EPHB1: variants seen among roughly 807,000 people sequenced by gnomAD.
EPHB1 encodes ephrin type-B receptor 1.
In EPHB1, 30 loss-of-function variants were observed where a neutral mutation model predicts 94.4. The ratio of observed to expected loss-of-function variants is 0.32; its 90% CI spans 0.24 to 0.43. The LOEUF (loss-of-function observed/expected upper bound fraction) is 0.43, where lower values mean the gene tolerates loss of function less well. Among genes scored for constraint, EPHB1 ranks in the 20% least tolerant of loss-of-function variants. The probability of loss-of-function intolerance (pLI) is 1.00; values close to 1 mark genes in which losing one functional copy is unlikely to be tolerated. For synonymous variants in EPHB1, 522 were observed against 489.1 expected (o/e 1.07, Z -0.89); for missense variants, 1,055 against 1,308.3 (o/e 0.81, Z 2.99).
intron 1 of EPHB1, among the ~76,000 whole-genome samples, chr3:134,842,655 C>T (rs917029327): frequency 5.3e-5 from 8 of 152,224 alleles, no homozygotes; most frequent in Non-Finnish European, 8.8e-5. Context: ...CCTTTTCTAT[C>T]ACCAAGTAAA....
intron 5 of EPHB1, among the ~76,000 whole-genome samples, chr3:135,134,160 T>C (rs952147431): frequency 1.3e-5 from 2 of 152,234 alleles, no homozygotes; most frequent in Non-Finnish European, 2.9e-5. Flanking sequence ...TCATAGGCAG[T>C]GGACCGTGAT....
At chr3:135,060,413 T>C (rs1937464296) in intron 3 of EPHB1, among the ~76,000 whole-genome samples, 1 of 152,250 alleles carries the variant, frequency 6.6e-6, no homozygotes, top group Admixed American at 6.5e-5. Context: ...ACATTTTGTT[T>C]ATCCATTCAT....
chr3:135,239,082 C>T (rs574465197), intron 12 of EPHB1, among the ~76,000 whole-genome samples: 1 of 152,264 alleles, frequency 6.6e-6, no homozygotes, highest in East Asian at 1.9e-4. Flanking sequence ...CTAAGCATGC[C>T]CTCCAGGCAT....
At chr3:134,881,923 T>C (rs577503989) in intron 1 of EPHB1, among the ~76,000 whole-genome samples, 4 of 152,330 alleles carry the variant, frequency 2.6e-5, no homozygotes, top group Admixed American at 2.6e-4. Context: ...AAATAAGGGT[T>C]CACAGAGGGT....
chr3:135,100,923 G>A (rs562454308), intron 3 of EPHB1, among the ~76,000 whole-genome samples: 2 of 152,246 alleles, frequency 1.3e-5, no homozygotes, highest in Non-Finnish European at 2.9e-5. Context: ...CTTTTCTGAA[G>A]TTGGGGGTGG....
At chr3:134,949,785 C>A (rs537400961) in intron 2 of EPHB1, among the ~76,000 whole-genome samples, 21 of 152,200 alleles carry the variant, frequency 1.4e-4, no homozygotes, top group African/African-American at 5.1e-4. Flanking sequence ...CTGGAAATAT[C>A]CTCCGTTCTT....
chr3:135,245,792 C>T (rs114813683), intron 13 of EPHB1, among the ~76,000 whole-genome samples: 1,543 of 121,680 alleles, frequency 0.013, 35 homozygotes, highest in African/African-American at 0.048. Flanking sequence ...AGCAAGAGAG[C>T]GAGACACCAT....
intron 12 of EPHB1, among the ~76,000 whole-genome samples, chr3:135,218,608 A>G (rs1311859202): frequency 6.6e-6 from 1 of 152,208 alleles, no homozygotes; most frequent in Admixed American, 6.5e-5. Flanking sequence ...GCCTGTCATC[A>G]TGTGGGAGGG....
chr3:134,845,559 G>A (rs1432487713), intron 1 of EPHB1, among the ~76,000 whole-genome samples: 1 of 152,190 alleles, frequency 6.6e-6, no homozygotes, highest in African/African-American at 2.4e-5. Flanking sequence ...GGGATCTGCT[G>A]TCCATGCCTC....
chr3:135,209,682 C>T (rs1369621737), intron 12 of EPHB1, among the ~76,000 whole-genome samples: 1 of 152,122 alleles, frequency 6.6e-6, no homozygotes, highest in Admixed American at 6.6e-5. Context: ...ATCTCTAGGA[C>T]AATTGTTGGG....
At chr3:135,249,890 G>T (rs1481694862) in intron 15 of EPHB1, among the ~76,000 whole-genome samples, 1 of 152,208 alleles carries the variant, frequency 6.6e-6, no homozygotes, top group Admixed American at 6.5e-5. Context: ...TGGGGAGCTT[G>T]TCCTTATACT....
intron 1 of EPHB1, among the ~76,000 whole-genome samples, chr3:134,911,725 G>A (rs2038459550): frequency 6.6e-6 from 1 of 152,188 alleles, no homozygotes; most frequent in Non-Finnish European, 1.5e-5. Context: ...CTCCTGGAGG[G>A]TAGCTGCATG....
chr3:135,076,260 T>A (rs189192232), intron 3 of EPHB1, among the ~76,000 whole-genome samples: 15 of 104,364 alleles, frequency 1.4e-4, no homozygotes, highest in African/African-American at 5.4e-4. Flanking sequence ...TATATATATA[T>A]AACTCTTAAA....
rs755421182 is a variant in EPHB1 at position 134,951,550 on chromosome 3, T to C, written c.303T>C (p.Asn101=). Reference sequence around the variant, plus strand: ...TGAGAGACTGCAGCAGCCTCCCTAATGTCCCAGGATCCTGCAAGGAGACCT... The same window carrying C: ...TGAGAGACTGCAGCAGCCTCCCTAACGTCCCAGGATCCTGCAAGGAGACCT... ...FTVRDCSSLP[N]VPGSCKETFN... The change falls in exon 3 of 16, where the codon AAT becomes AAC. Residue 101 remains asparagine, a synonymous_variant. Coordinates refer to ENST00000398015, the MANE Select transcript of EPHB1 (RefSeq NM_004441.5). The surrounding 1 kb of genome is among the most constrained non-coding windows in gnomAD (Gnocchi z 4.5). 1.2e-6 allele frequency: 2 copies of C among 1,613,958 alleles called. No homozygotes were observed. The highest frequency in any genetic ancestry group is 2.2e-5 in the East Asian group (1 of 44,876).
chr3:134,984,489 A>G (rs1320021329), intron 3 of EPHB1, among the ~76,000 whole-genome samples: 3 of 152,180 alleles, frequency 2.0e-5, no homozygotes, highest in Non-Finnish European at 2.9e-5. Flanking sequence ...AACAAACAGA[A>G]TATTTAAAAC....
intron 3 of EPHB1, among the ~76,000 whole-genome samples, chr3:134,984,749 C>G (rs1207874960): frequency 6.6e-6 from 1 of 152,110 alleles, no homozygotes; most frequent in African/African-American, 2.4e-5. Context: ...CACAGCAGAT[C>G]CAGGTATGTG....
At chr3:134,918,580 G>A (rs922895899) in intron 1 of EPHB1, among the ~76,000 whole-genome samples, 1 of 152,202 alleles carries the variant, frequency 6.6e-6, no homozygotes, top group Non-Finnish European at 1.5e-5. Context: ...TTGCTTCCTA[G>A]TTTTTGTAGG....
At position 134,795,499 on chromosome 3, in the gene EPHB1, A is replaced by C; in HGVS notation, c.-133A>C. The C allele has an allele frequency of 1.2e-6, 1 of 821,580 alleles. No homozygotes were observed. Among genetic ancestry groups the C allele is most frequent in the Non-Finnish European group, 1.9e-6 (1 of 536,114 alleles). 50.9% of individuals were successfully genotyped at this position (821,580 alleles called of 1,614,324 possible). ...CCCACGCCCACGCAGCGCTCCGGGAAGTCCGGTCCGGGCGAGAGCGCGAAA... is the reference window on the plus strand; with the variant it reads ...CCCACGCCCACGCAGCGCTCCGGGACGTCCGGTCCGGGCGAGAGCGCGAAA... On this transcript the variant is annotated 5_prime_UTR_variant, in exon 1 of 16. Coordinates refer to ENST00000398015, the MANE Select transcript of EPHB1 (RefSeq NM_004441.5).
intron 15 of EPHB1, among the ~76,000 whole-genome samples, chr3:135,258,515 AAAAATGCATACATTAAAATTC>A (rs1464481138): frequency 6.6e-6 from 1 of 152,214 alleles, no homozygotes; most frequent in Non-Finnish European, 1.5e-5. Context: ...CACTCTTCTT[AAAAATGCATACATTAAAATTC>A]ACATGGAGGC....
Sources: allele counts gnomAD v4.1 joint callset (sites outside exome capture counted in the v4.1 genomes callset), GRCh38; gene constraint gnomAD v4.1.1; non-coding constraint Gnocchi (gnomAD v3.1); transcripts MANE v1.5; gene names NCBI Gene and HGNC (gene_info 2026-07-23, HGNC 2026-07-21).